DNM1L: variants seen among roughly 807,000 people sequenced by gnomAD.
The protein encoded by DNM1L is dynamin 1L, also known as dynamin-1-like protein.
A neutral mutation model predicts 92.8 loss-of-function variants in DNM1L; 33 were observed. The ratio of observed to expected loss-of-function variants is 0.36; its 90% CI spans 0.27 to 0.48. The LOEUF is 0.48. Among genes scored for constraint, DNM1L ranks in the 20% least tolerant of loss-of-function variants. The pLI, the probability that DNM1L is intolerant of heterozygous loss-of-function variation, is 0.99. For synonymous variants in DNM1L, 284 were observed against 305.0 expected (o/e 0.93, Z 0.72); for missense variants, 485 against 888.8 (o/e 0.55, Z 5.78).
At chr12:32,679,605 C>T (rs1951724906) in intron 1 of DNM1L, 140 bp downstream of exon 1, 6 of 1,384,968 alleles carry the variant, frequency 4.3e-6, no homozygotes, top group African/African-American at 1.5e-5. Flanking sequence ...TTGCTGGGGG[C>T]CCCAGGGCTC....
chr12:32,683,891 C>T lies in DNM1L; in HGVS notation c.102+4426C>T, dbSNP rs573639810. Among the ~76,000 whole-genome samples the T allele has an allele frequency of 1.6e-3, 236 of 152,196 alleles. 2 individuals carry two copies. Among genetic ancestry groups the T allele is most frequent in the African/African-American group, 5.2e-3 (218 of 41,540 alleles). On this transcript the variant is annotated intron_variant, in intron 1 of 19. Transcript: ENST00000549701. ...ACAGCATTTTACAACGTTGGCCAGACTGGTCTCAAACTCCTGACCTCAAAT... is the reference window on the plus strand; with the variant it reads ...ACAGCATTTTACAACGTTGGCCAGATTGGTCTCAAACTCCTGACCTCAAAT...
rs549877585 is a variant in DNM1L, at chr12:32,700,337, C to T, written c.103-1078C>T. Among the ~76,000 whole-genome samples the T allele has an allele frequency of 2.3e-3, 357 of 152,224 alleles. 1 individual carries two copies. The highest frequency in any genetic ancestry group is 0.02 in the Middle Eastern group (6 of 294). On this transcript the variant is annotated intron_variant, in intron 1 of 19. Coordinates refer to ENST00000549701, the MANE Select transcript of DNM1L (RefSeq NM_012062.5). ...GTTTTGCCATGTTGGCCAGGCTGGTCTCGAACTCCTGACCTCAGATGATCT... is the reference window on the plus strand; with the variant it reads ...GTTTTGCCATGTTGGCCAGGCTGGTTTCGAACTCCTGACCTCAGATGATCT...
chr12:32,682,273 C>T (rs1348302935), intron 1 of DNM1L, among the ~76,000 whole-genome samples: 1 of 152,110 alleles, frequency 6.6e-6, no homozygotes, highest in East Asian at 1.9e-4. Context: ...GCTGGGATTA[C>T]AGGCATGCAC....
At chr12:32,709,409 T>C (rs1301953310) in intron 4 of DNM1L, 1 of 152,182 alleles carries the variant, frequency 6.6e-6, no homozygotes, top group African/African-American at 2.4e-5. Context: ...TACCAGAATT[T>C]AGAGTGTTGT....
intron 1 of DNM1L, chr12:32,679,989 T>C: frequency 2.0e-6 from 2 of 985,436 alleles, no homozygotes; most frequent in Non-Finnish European, 2.4e-6. Context: ...GACGCTACGG[T>C]GCGTGAGCGC....
At position 32,731,099 on chromosome 12, in the gene DNM1L, A is replaced by G. The variant is rs563960563; in HGVS notation, c.1165A>G (p.Thr389Ala). The change falls in exon 10 of 20, where the codon ACT becomes GCT. Residue 389 changes from threonine (T) to alanine (A), a missense_variant. This residue lies in a region of DNM1L where 19 missense variants were observed against 22.1 expected (regional missense o/e 0.86). Coordinates refer to ENST00000549701, the MANE Select transcript of DNM1L (RefSeq NM_012062.5). The surrounding 1 kb of genome is among the most constrained non-coding windows in gnomAD (Gnocchi z 5.1). Reference sequence around the variant, plus strand: ...TGTTGATCCACTTGGTGGCCTTAACACTATTGACATTTTGACTGCCATTAG... The same window carrying G: ...TGTTGATCCACTTGGTGGCCTTAACGCTATTGACATTTTGACTGCCATTAG... ...ESVDPLGGLN[T>A]IDILTAIRNA... 2 of 1,614,060 alleles carry G rather than the reference A, an allele frequency of 1.2e-6. No homozygotes were observed. The highest frequency in any genetic ancestry group is 1.1e-5 in the South Asian group (1 of 91,072).
intron 5 of DNM1L, among the ~76,000 whole-genome samples, chr12:32,711,913 T>C (rs898630943): frequency 6.6e-6 from 1 of 152,132 alleles, no homozygotes; most frequent in Non-Finnish European, 1.5e-5. Flanking sequence ...AACTCCATTC[T>C]ACCAATTGCT....
rs1002656329 is a variant in DNM1L at position 32,740,515 on chromosome 12, A to G, written c.1991A>G (p.Asp664Gly). 5 of 1,608,506 alleles carry G rather than the reference A, an allele frequency of 3.1e-6. No individual in the cohort carries two copies. The Admixed American group carries it at 6.7e-5, about 21-fold the overall frequency. The change falls in exon 18 of 20, where the codon GAC becomes GGC. Residue 664 changes from aspartate to glycine, a missense_variant. By Grantham distance (94) the Asp-to-Gly change is moderately conservative. This residue lies in a region of DNM1L where 133 missense variants were observed against 210.9 expected (regional missense o/e 0.63). Transcript: ENST00000549701. ...CTCATTGTCAGAAAGAATATTCAAG[A>G]CAGGTTAGTATTACTTAATATAAAT... ...YFLIVRKNIQ[D>G]SVPKAVMHFL... is the part of the protein sequence containing the mutation.
chr12:32,720,468 G>C (rs75296198), intron 7 of DNM1L, among the ~76,000 whole-genome samples, 196 bp from the exon 8 acceptor site: 1 of 151,768 alleles, frequency 6.6e-6, no homozygotes, highest in African/African-American at 2.4e-5. Flanking sequence ...GTGTGACCTG[G>C]GGTAAGTTAG....
chr12:32,717,842 T>C (rs548711693), intron 6 of DNM1L, among the ~76,000 whole-genome samples: 1 of 107,402 alleles, frequency 9.3e-6, no homozygotes, highest in African/African-American at 3.8e-5. Flanking sequence ...ATATACTATA[T>C]ATATTTTATA....
chr12:32,720,918 T>A, intron 8 of DNM1L, 123 bp downstream of exon 8: 1 of 1,258,222 alleles, frequency 7.9e-7, no homozygotes, highest in Non-Finnish European at 1.1e-6. Context: ...TGGTTTCTTA[T>A]ATAGTAGGTT....
Position 32,722,461 on chromosome 12 carries a change from G to T in DNM1L, c.907G>T (p.Glu303Ter). 1 of 1,612,890 alleles carries T rather than the reference G, an allele frequency of 6.2e-7. No homozygotes were observed. The highest frequency in any genetic ancestry group is 8.5e-7 in the Non-Finnish European group (1 of 1,179,932). Residue 303 changes from glutamate (E) to a stop codon, truncating the protein, a stop_gained, in exon 9 of 20, where the codon GAG becomes TAG. Coordinates refer to ENST00000549701, the MANE Select transcript of DNM1L (RefSeq NM_012062.5). LOFTEE classifies it high-confidence loss of function. ...GCATCACATCAGAGATTGTTTACCA[G>T]AGTTGAAAACAAGAATAAATGTTCT... ...LMHHIRDCLP[E>*]LKTRINVLAA...
intron 13 of DNM1L, among the ~76,000 whole-genome samples, chr12:32,735,782 A>G (rs970111097): frequency 6.6e-6 from 1 of 152,056 alleles, no homozygotes. Flanking sequence ...AGGCTGCAGC[A>G]GGGAGAATCC....
intron 9 of DNM1L, chr12:32,726,793 C>T: frequency 1.6e-6 from 1 of 620,802 alleles, no homozygotes; most frequent in Non-Finnish European, 2.9e-6. Flanking sequence ...CCTGTACAAC[C>T]CATAATTTCT....
chr12:32,742,432 C>T (rs1457419866), intron 18 of DNM1L, among the ~76,000 whole-genome samples, 157 bp from the exon 19 acceptor site: 1 of 152,126 alleles, frequency 6.6e-6, no homozygotes, highest in African/African-American at 2.4e-5. Context: ...TGTTTAATTA[C>T]AGTTAAGCAA....
intron 2 of DNM1L, chr12:32,705,924 G>A (rs1259965736): frequency 4.7e-6 from 7 of 1,479,294 alleles, no homozygotes; most frequent in African/African-American, 1.4e-5. Flanking sequence ...GTGTGCTTAT[G>A]TACTATTACA....
At position 32,743,623 on chromosome 12, in the gene DNM1L, A is replaced by G. The variant is rs1955467682; in HGVS notation, c.*213A>G. The G allele has an allele frequency of 7.1e-6, 4 of 560,822 alleles. No individual in the cohort carries two copies. Among genetic ancestry groups the G allele is most frequent in the South Asian group, 2.3e-5 (1 of 43,976 alleles). 34.7% of individuals were successfully genotyped at this position (560,822 alleles called of 1,614,324 possible). On this transcript the variant is annotated 3_prime_UTR_variant, in exon 20 of 20. Transcript: ENST00000549701. ...ATGGCTGTTTCTAAAGTTTCCCAGT[A>G]TATATAAAATACATCAAGTCTGTCT...
chr12:32,717,916 ATATAG>A (rs1201185926), intron 6 of DNM1L, among the ~76,000 whole-genome samples: 2 of 80,460 alleles, frequency 2.5e-5, no homozygotes, highest in Non-Finnish European at 4.6e-5. Context: ...TATATATAAA[ATATAG>A]TATATATTTT....
intron 9 of DNM1L, among the ~76,000 whole-genome samples, chr12:32,725,814 A>G (rs1954091856): frequency 6.6e-6 from 1 of 151,980 alleles, no homozygotes; most frequent in South Asian, 2.1e-4. Flanking sequence ...CATGTTGGTC[A>G]GGCTGGTGTT....
Sources: allele counts gnomAD v4.1 joint callset (sites outside exome capture counted in the v4.1 genomes callset), GRCh38; gene constraint gnomAD v4.1.1; regional missense constraint gnomAD v4.1.1; non-coding constraint Gnocchi (gnomAD v3.1); transcripts MANE v1.5; gene names NCBI Gene and HGNC (gene_info 2026-07-23, HGNC 2026-07-21).